Variants in CCDC73 observed in about 807,000 individuals in gnomAD.
The protein encoded by CCDC73 is coiled-coil domain-containing protein 73.
CCDC73 carries 95 observed loss-of-function variants against 116.5 expected under a neutral mutation model. The ratio of observed to expected loss-of-function variants is 0.82; its 90% CI spans 0.69 to 0.97. The LOEUF (loss-of-function observed/expected upper bound fraction) is 0.97, where lower values mean the gene tolerates loss of function less well. Ranked by LOEUF, CCDC73 falls within the 50% of genes least tolerant of loss-of-function variation. The pLI is 0.00. For synonymous variants in CCDC73, 398 were observed against 401.3 expected (o/e 0.99, Z 0.10); for missense variants, 1,066 against 1,206.8 (o/e 0.88, Z 1.73).
chr11:32,792,633 A>C (rs1006068852), intron 1 of CCDC73, among the ~76,000 whole-genome samples: 2 of 152,188 alleles, frequency 1.3e-5, no homozygotes, highest in Non-Finnish European at 2.9e-5. Context: ...TACACTATAT[A>C]AATAACAGTG....
the CCDC73 span, among the ~76,000 whole-genome samples, chr11:32,807,131 C>A: frequency 6.6e-6 from 1 of 152,178 alleles, no homozygotes; most frequent in Non-Finnish European, 1.5e-5. Context: ...TTATTGCTAA[C>A]AGGCTTCAAA....
rs951382368 is a variant in CCDC73, at chr11:32,793,222, C to T, written c.-16+1391G>A. 2.6e-5 allele frequency among the ~76,000 whole-genome samples: 4 copies of T among 152,184 alleles called. No homozygotes were observed. In the South Asian group the frequency reaches 8.3e-4, roughly 32 times the overall value. ...ATTTTCCAAAACTTAACAACTACCC[C>T]CAAGGCAACCCTGAAACCAGGGAGA... On this transcript the variant is annotated intron_variant, in intron 1 of 17. Transcript: ENST00000335185.
chr11:32,641,715 G>A (rs61889418), intron 13 of CCDC73, among the ~76,000 whole-genome samples: 27 of 148,908 alleles, frequency 1.8e-4, no homozygotes, highest in African/African-American at 3.4e-4. Flanking sequence ...ATATGTGTGT[G>A]TATATATATA....
At chr11:32,735,536 C>T (rs998013196) in intron 2 of CCDC73, among the ~76,000 whole-genome samples, 1 of 151,956 alleles carries the variant, frequency 6.6e-6, no homozygotes, top group Non-Finnish European at 1.5e-5. Context: ...CAGAACATTC[C>T]ATGCTCATGG....
the CCDC73 span, among the ~76,000 whole-genome samples, chr11:32,819,467 GT>G: frequency 9.7e-4 from 144 of 148,668 alleles, no homozygotes; most frequent in African/African-American, 2.9e-3. Flanking sequence ...GCAATAAGAG[GT>G]TTTTTTTTTT....
chr11:32,802,996 A>G, the CCDC73 span, among the ~76,000 whole-genome samples: 30,071 of 151,890 alleles, frequency 0.2, 4,095 homozygotes, highest in East Asian at 0.67. Context: ...GCTGGTCTCA[A>G]ATTTCTGGCT....
At chr11:32,631,604 A>G (rs1855631113) in intron 14 of CCDC73, among the ~76,000 whole-genome samples, 2 of 126,874 alleles carry the variant, frequency 1.6e-5, no homozygotes, top group Admixed American at 7.9e-5. Flanking sequence ...AAAGGAAGGA[A>G]AGGAAGGGAA....
At chr11:32,607,765 G>A (rs1226958043) in intron 17 of CCDC73, among the ~76,000 whole-genome samples, 1 of 152,056 alleles carries the variant, frequency 6.6e-6, no homozygotes, top group Non-Finnish European at 1.5e-5. Flanking sequence ...AGTGAAAAGG[G>A]TGTATTAGTC....
intron 12 of CCDC73, among the ~76,000 whole-genome samples, chr11:32,648,188 T>C (rs1855795182): frequency 6.6e-6 from 1 of 152,244 alleles, no homozygotes; most frequent in Non-Finnish European, 1.5e-5. Flanking sequence ...ACATGATACT[T>C]GCAAATCCTG....
intron 1 of CCDC73, among the ~76,000 whole-genome samples, chr11:32,794,176 G>A (rs1490696702): frequency 1.3e-5 from 2 of 152,148 alleles, no homozygotes; most frequent in Non-Finnish European, 2.9e-5. Flanking sequence ...AGTTCCAAAT[G>A]TTGCTAACTC....
At chr11:32,707,926 T>C (rs1039513330) in intron 3 of CCDC73, among the ~76,000 whole-genome samples, 12 of 152,126 alleles carry the variant, frequency 7.9e-5, no homozygotes, top group Non-Finnish European at 1.5e-4. Context: ...AACTTAAATT[T>C]TGTGGCTTAA....
At chr11:32,730,261 TC>T (rs143510990) in intron 2 of CCDC73, among the ~76,000 whole-genome samples, 1 of 152,336 alleles carries the variant, frequency 6.6e-6, no homozygotes, top group African/African-American at 2.4e-5. Context: ...CCCTCTCCTA[TC>T]CTCCAATACC....
At chr11:32,700,545 GGCAA>G (rs889940968) in intron 5 of CCDC73, among the ~76,000 whole-genome samples, 1 of 152,076 alleles carries the variant, frequency 6.6e-6, no homozygotes, top group African/African-American at 2.4e-5. Flanking sequence ...TGAGACCTTT[GGCAA>G]GTCATTTAAT....
intron 11 of CCDC73, 117 bp from the exon 12 acceptor site, chr11:32,653,344 A>AG: frequency 5.2e-6 from 3 of 572,268 alleles, no homozygotes; most frequent in Non-Finnish European, 8.9e-6. Flanking sequence ...TTTAATTTCA[A>AG]TACTTTATAT....
At chr11:32,723,656 A>T (rs1850008777) in intron 2 of CCDC73, among the ~76,000 whole-genome samples, 1 of 152,170 alleles carries the variant, frequency 6.6e-6, no homozygotes, top group Non-Finnish European at 1.5e-5. Context: ...CAAACACTTT[A>T]AAAAAGGCAT....
At chr11:32,730,711 T>C (rs1445427688) in intron 2 of CCDC73, among the ~76,000 whole-genome samples, 1 of 152,228 alleles carries the variant, frequency 6.6e-6, no homozygotes, top group Non-Finnish European at 1.5e-5. Context: ...CCATTTTGGA[T>C]ATTTTCTAAT....
intron 2 of CCDC73, among the ~76,000 whole-genome samples, chr11:32,726,484 A>G (rs1850030706): frequency 6.6e-6 from 1 of 152,174 alleles, no homozygotes; most frequent in African/African-American, 2.4e-5. Flanking sequence ...AAGGACAGAA[A>G]AAAATAGCTA....
At chr11:32,631,164 G>C (rs966321845) in intron 14 of CCDC73, among the ~76,000 whole-genome samples, 6 of 152,154 alleles carry the variant, frequency 3.9e-5, no homozygotes, top group Admixed American at 2.6e-4. Context: ...CCCACTAATT[G>C]ATAGAACACA....
chr11:32,786,886 C>T (rs1236731625), intron 1 of CCDC73, among the ~76,000 whole-genome samples: 1 of 151,986 alleles, frequency 6.6e-6, no homozygotes, highest in Admixed American at 6.6e-5. Flanking sequence ...TCTCATCATG[C>T]CTGACTTTTA....
Sources: gnomAD v4.1 joint callset for allele counts (sites outside exome capture counted in the v4.1 genomes callset) on GRCh38, gnomAD v4.1.1 for gene constraint, MANE v1.5 for transcripts, NCBI Gene and HGNC (gene_info 2026-07-23, HGNC 2026-07-21) for gene names.